The following SNX2 variants were observed in gnomAD, a reference collection of about 807,000 sequenced individuals.
SNX2 encodes sorting nexin-2.
A neutral mutation model predicts 69.9 loss-of-function variants in SNX2; 25 were observed. The observed-to-expected ratio is 0.36, with a 90% CI of 0.26 to 0.50. The LOEUF (loss-of-function observed/expected upper bound fraction) is 0.50. Ranked by LOEUF, SNX2 falls within the 20% of genes least tolerant of loss-of-function variation. The pLI, the probability that SNX2 is intolerant of heterozygous loss-of-function variation, is 0.97. For synonymous variants in SNX2, 229 were observed against 200.4 expected (o/e 1.14, Z -1.20); for missense variants, 551 against 613.3 (o/e 0.90, Z 1.07).
intron 11 of SNX2, among the ~76,000 whole-genome samples, chr5:122,823,739 G>A (rs1055470873): frequency 2.2e-5 from 3 of 136,414 alleles, no homozygotes; most frequent in Admixed American, 7.3e-5. Context: ...TGTGTGTGTC[G>A]GAAGTGAGAG....
At chr5:122,801,691 T>TGTGTGTG (rs1753518572) in intron 3 of SNX2, among the ~76,000 whole-genome samples, 178 bp from the exon 4 acceptor site, 1 of 92,976 alleles carries the variant, frequency 1.1e-5, no homozygotes, top group Non-Finnish European at 2.2e-5. Context: ...GTGTGTGTGT[T>TGTGTGTG]TTATTTATAA....
intron 7 of SNX2, among the ~76,000 whole-genome samples, chr5:122,814,998 C>T (rs1277236292): frequency 6.6e-6 from 1 of 152,212 alleles, no homozygotes; most frequent in East Asian, 1.9e-4. Context: ...ATCCACCCGC[C>T]TCGGCCTCCC....
Position 122,812,213 on chromosome 5 carries a change from C to G in SNX2, c.723-3683C>G, listed in dbSNP as rs115573676. On this transcript the variant is annotated intron_variant, in intron 7 of 14. Transcript: ENST00000379516. ...AACCCCTCCCCACGCTGGCCCCATGCCCCCATTTTACTCAATAAAAGCCAG... is the reference window on the plus strand; with the variant it reads ...AACCCCTCCCCACGCTGGCCCCATGGCCCCATTTTACTCAATAAAAGCCAG... Among the ~76,000 whole-genome samples, 627 of 152,276 alleles carry G rather than the reference C, an allele frequency of 4.1e-3. 2 individuals carry two copies. The highest frequency in any genetic ancestry group is 5.6e-3 in the Admixed American group (86 of 15,302).
chr5:122,792,624 A>G (rs1034676472), intron 1 of SNX2, among the ~76,000 whole-genome samples: 2 of 152,004 alleles, frequency 1.3e-5, no homozygotes, highest in Non-Finnish European at 2.9e-5. Context: ...TTGCTTAGTA[A>G]CTATACAAGA....
chr5:122,786,876 A>G (rs746679879), intron 1 of SNX2, among the ~76,000 whole-genome samples: 1 of 152,114 alleles, frequency 6.6e-6, no homozygotes, highest in African/African-American at 2.4e-5. Flanking sequence ...TTGGAATCCA[A>G]AGTGCCACTT....
chr5:122,791,426 C>T (rs537169536), intron 1 of SNX2, among the ~76,000 whole-genome samples: 2 of 152,236 alleles, frequency 1.3e-5, no homozygotes, highest in South Asian at 2.1e-4. Context: ...GGATTACAGG[C>T]GCCTGCCACC....
At chr5:122,781,640 G>A (rs750346868) in intron 1 of SNX2, among the ~76,000 whole-genome samples, 15 of 152,216 alleles carry the variant, frequency 9.9e-5, no homozygotes, top group Non-Finnish European at 1.9e-4. Flanking sequence ...GACTAAGAAT[G>A]ACAGTTTTTC....
chr5:122,787,486 C>T lies in SNX2; in HGVS notation c.109-7780C>T, dbSNP rs558694629. On this transcript the variant is annotated intron_variant, in intron 1 of 14. Transcript: ENST00000379516. ...AGTGAGCCAAGATTGCACCACTGCA[C>T]ACCAGCCTGGGGGACAGAGCAAGAC... Among the ~76,000 whole-genome samples, 7 of 151,960 alleles carry T rather than the reference C, an allele frequency of 4.6e-5. 1 individual carries two copies. In the South Asian group the frequency reaches 1.5e-3, roughly 32 times the overall value.
intron 1 of SNX2, among the ~76,000 whole-genome samples, chr5:122,781,734 A>G (rs907086081): frequency 2.6e-5 from 4 of 152,188 alleles, no homozygotes; most frequent in African/African-American, 9.6e-5. Flanking sequence ...CAAGAACTGT[A>G]TGTTACATTT....
chr5:122,827,763 C>T (rs1754185536), intron 14 of SNX2, 117 bp downstream of exon 14: 3 of 702,220 alleles, frequency 4.3e-6, no homozygotes, highest in Non-Finnish European at 4.8e-6. Flanking sequence ...AAATGGAAGA[C>T]AGAAAGCCAG....
chr5:122,817,401 T>A, intron 10 of SNX2, 28 bp downstream of exon 10: 2 of 1,380,936 alleles, frequency 1.4e-6, no homozygotes, highest in Non-Finnish European at 2.0e-6. Flanking sequence ...CTTACGTAGT[T>A]AGCACCATAA....
intron 14 of SNX2, among the ~76,000 whole-genome samples, chr5:122,828,982 G>A (rs973676628): frequency 9.9e-5 from 15 of 151,990 alleles, no homozygotes; most frequent in South Asian, 2.1e-4. Flanking sequence ...TTAGCTGGGC[G>A]TGGTGGCGCA....
At chr5:122,796,679 T>C (rs1753385494) in intron 2 of SNX2, among the ~76,000 whole-genome samples, 1 of 152,206 alleles carries the variant, frequency 6.6e-6, no homozygotes, top group South Asian at 2.1e-4. Flanking sequence ...TTCTGTGTAT[T>C]CCTTTAATGG....
intron 1 of SNX2, among the ~76,000 whole-genome samples, chr5:122,781,423 C>T (rs950264560): frequency 6.6e-6 from 1 of 152,138 alleles, no homozygotes; most frequent in Non-Finnish European, 1.5e-5. Flanking sequence ...AAGGACATTT[C>T]AGTTGTTTCC....
intron 7 of SNX2, among the ~76,000 whole-genome samples, chr5:122,810,399 T>TAAAAAAAA (rs928838303): frequency 5.7e-5 from 7 of 122,398 alleles, no homozygotes; most frequent in Non-Finnish European, 1.0e-4. Context: ...AATGATCAAT[T>TAAAAAAAA]AAAAAAAAAA....
chr5:122,815,732 T>A (rs912546484), intron 7 of SNX2, 164 bp from the exon 8 acceptor site: 4 of 416,834 alleles, frequency 9.6e-6, no homozygotes, highest in Non-Finnish European at 4.3e-6. Flanking sequence ...AAAACCTTTT[T>A]AATTATTAAA....
At chr5:122,806,039 C>G in intron 6 of SNX2, among the ~76,000 whole-genome samples, 1 of 151,790 alleles carries the variant, frequency 6.6e-6, no homozygotes, top group Non-Finnish European at 1.5e-5. Context: ...CTCAGCCTCC[C>G]AAAATGCTGG....
In SNX2 at chr5:122,827,432, G is replaced by A. The variant is rs143575506; in HGVS notation, c.1410G>A (p.Thr470=). Residue 470 remains threonine (T), a synonymous_variant, in exon 13 of 15, where the codon ACG becomes ACA. Transcript: ENST00000379516. The stretch of plus-strand genomic sequence containing the variant: ...GAGATTTTGAACAGATATCTAAAAC[G>A]ATTCGAAAAGAAGTGGGAAGATTTG... The part of the protein sequence containing the change: ...GERDFEQISK[T]IRKEVGRFEK... 3.5e-5 allele frequency: 56 copies of A among 1,613,326 alleles called. No homozygotes were observed. In the African/African-American group the frequency reaches 7.1e-4, roughly 20 times the overall value.
Position 122,829,989 on chromosome 5 carries a change from A to G in SNX2, c.*341A>G. Reference sequence around the variant, plus strand: ...ATTTTTTCTTTACAATATGTTCTGTAGTATGTTTACCCTCTTTATGAAGTG... The same window carrying G: ...ATTTTTTCTTTACAATATGTTCTGTGGTATGTTTACCCTCTTTATGAAGTG... On this transcript the variant is annotated 3_prime_UTR_variant, in exon 15 of 15. Coordinates refer to ENST00000379516, the MANE Select transcript of SNX2 (RefSeq NM_003100.4). The G allele has an allele frequency of 4.2e-6, 1 of 239,540 alleles. No homozygotes were observed. The highest frequency in any genetic ancestry group is 5.3e-5 in the Admixed American group (1 of 18,970). 14.8% of individuals were successfully genotyped at this position (239,540 alleles called of 1,614,324 possible). A position where few individuals can be genotyped will look rare whatever the true frequency, so the allele number is the denominator to read the frequency against.
Sources: allele counts gnomAD v4.1 joint callset (sites outside exome capture counted in the v4.1 genomes callset), GRCh38; gene constraint gnomAD v4.1.1; transcripts MANE v1.5; gene names NCBI Gene and HGNC (gene_info 2026-07-23, HGNC 2026-07-21).